The following MCTP2 variants were observed in gnomAD, a reference collection of about 807,000 sequenced individuals.
MCTP2 encodes the protein multiple C2 and transmembrane domain-containing protein 2.
A neutral mutation model predicts 111.6 loss-of-function variants in MCTP2; 132 were observed. That is an observed-to-expected ratio of 1.18 (90% CI 1.03 to 1.37). MCTP2 has a LOEUF of 1.37. MCTP2 is among the 40% of genes most tolerant of loss of function. The probability of loss-of-function intolerance (pLI) is 0.00; values close to 1 mark genes in which losing one functional copy is unlikely to be tolerated. For synonymous variants in MCTP2, 395 were observed against 387.7 expected, an observed-to-expected ratio of 1.02 and a Z score of -0.22; for missense variants, 1,183 against 1,067.9, an observed-to-expected ratio of 1.11 and a Z score of -1.50.
intron 1 of MCTP2, among the ~76,000 whole-genome samples, chr15:94,238,164 C>G (rs2070699897): frequency 6.6e-6 from 1 of 152,086 alleles, no homozygotes; most frequent in Non-Finnish European, 1.5e-5. Flanking sequence ...CGGAATAAAT[C>G]TCTTAAAATA....
intron 4 of MCTP2, among the ~76,000 whole-genome samples, chr15:94,320,363 G>A (rs1052792707): frequency 1.3e-5 from 2 of 152,070 alleles, no homozygotes; most frequent in East Asian, 1.9e-4. Flanking sequence ...GGATGGTCTC[G>A]ATCTCCTGAC....
chr15:94,391,943 C>T (rs1381795013), intron 14 of MCTP2, among the ~76,000 whole-genome samples: 3 of 152,114 alleles, frequency 2.0e-5, no homozygotes, highest in Admixed American at 6.5e-5. Context: ...AATCTAATTG[C>T]TGCTTCTTTG....
chr15:94,239,579 C>T (rs2070793529), intron 1 of MCTP2, among the ~76,000 whole-genome samples: 1 of 152,196 alleles, frequency 6.6e-6, no homozygotes, highest in Non-Finnish European at 1.5e-5. Flanking sequence ...TTATCTCCTA[C>T]TTTTTCTGAC....
chr15:94,470,653 A>G (rs1372418919), intron 21 of MCTP2, among the ~76,000 whole-genome samples: 1 of 152,226 alleles, frequency 6.6e-6, no homozygotes, highest in Non-Finnish European at 1.5e-5. Flanking sequence ...CCTCTTGCAT[A>G]ATTGCAATCA....
intron 1 of MCTP2, among the ~76,000 whole-genome samples, chr15:94,274,496 G>GA (rs1268562133): frequency 2.0e-5 from 3 of 151,818 alleles, no homozygotes; most frequent in Non-Finnish European, 4.4e-5. Context: ...GGATTGTTCA[G>GA]AAAAAAAGCA....
chr15:94,476,553 G>A (rs905203143), intron 21 of MCTP2, 143 bp from the exon 22 acceptor site: 10 of 531,904 alleles, frequency 1.9e-5, no homozygotes, highest in East Asian at 6.6e-5. Flanking sequence ...CCTCTCCCCC[G>A]AGTCAGGCGA....
At chr15:94,287,168 A>G (rs967302186) in intron 1 of MCTP2, among the ~76,000 whole-genome samples, 1 of 152,100 alleles carries the variant, frequency 6.6e-6, no homozygotes, top group African/African-American at 2.4e-5. Flanking sequence ...TCTGGAAAAT[A>G]CATTGTTCAT....
chr15:94,463,316 CTTT>C (rs557836204), intron 20 of MCTP2, among the ~76,000 whole-genome samples: 18 of 152,092 alleles, frequency 1.2e-4, no homozygotes, highest in African/African-American at 3.6e-4. Flanking sequence ...AGAAGTCTGA[CTTT>C]TTTTGTGTGA....
chr15:94,410,836 C>T (rs778344667), intron 17 of MCTP2, among the ~76,000 whole-genome samples: 4 of 152,208 alleles, frequency 2.6e-5, no homozygotes, highest in East Asian at 1.9e-4. Flanking sequence ...CGTACACCTC[C>T]GTTGATCATA....
chr15:94,399,714 A>C, intron 15 of MCTP2: 1 of 544,988 alleles, frequency 1.8e-6, no homozygotes, highest in Non-Finnish European at 3.3e-6. Context: ...ACCCTTCTAG[A>C]CTCAATCTGA....
At chr15:94,336,288 C>A (rs1206279920) in intron 4 of MCTP2, among the ~76,000 whole-genome samples, 1 of 152,186 alleles carries the variant, frequency 6.6e-6, no homozygotes, top group Non-Finnish European at 1.5e-5. Context: ...TTCTTTATTG[C>A]AGCCTCCACT....
rs530297935 is a variant in MCTP2 at position 94,465,148 on chromosome 15, T to G, written c.2361-5185T>G. On this transcript the variant is annotated intron_variant, in intron 20 of 22. Transcript: ENST00000357742. ...ATTATTTGGTTTGTAGATGTTAAAA[T>G]TATTATATTTTCTTGGTTGATTGGA... Among the ~76,000 whole-genome samples, 176 of 152,224 alleles carry G rather than the reference T, an allele frequency of 1.2e-3. 2 individuals are homozygous for G. The highest frequency in any genetic ancestry group is 4.1e-3 in the African/African-American group (169 of 41,584).
intron 8 of MCTP2, among the ~76,000 whole-genome samples, chr15:94,345,846 G>A (rs2077950444): frequency 6.6e-6 from 1 of 152,150 alleles, no homozygotes; most frequent in Non-Finnish European, 1.5e-5. Context: ...ATTATACTTT[G>A]TAAGGAGAAA....
intron 1 of MCTP2, among the ~76,000 whole-genome samples, chr15:94,257,685 C>T (rs1164131361): frequency 2.1e-5 from 3 of 143,804 alleles, no homozygotes; most frequent in East Asian, 4.3e-4. Context: ...CTCCTAGGTT[C>T]GAGCGATTCT....
intron 8 of MCTP2, among the ~76,000 whole-genome samples, chr15:94,352,134 T>A (rs2078338551): frequency 6.6e-6 from 1 of 152,212 alleles, no homozygotes; most frequent in Non-Finnish European, 1.5e-5. Flanking sequence ...GCAATGACAG[T>A]ACATTCCCTG....
At chr15:94,424,616 G>A (rs2082790259) in intron 17 of MCTP2, among the ~76,000 whole-genome samples, 1 of 152,106 alleles carries the variant, frequency 6.6e-6, no homozygotes, top group African/African-American at 2.4e-5. Context: ...TAGGTTTTGG[G>A]ATATACAGTT....
intron 21 of MCTP2, among the ~76,000 whole-genome samples, chr15:94,474,011 C>T (rs1244486451): frequency 6.6e-6 from 1 of 151,916 alleles, no homozygotes; most frequent in African/African-American, 2.4e-5. Context: ...CTGATCAATT[C>T]AATCTATGAT....
chr15:94,290,256 A>T (rs1259016748), intron 1 of MCTP2, among the ~76,000 whole-genome samples: 1 of 152,214 alleles, frequency 6.6e-6, no homozygotes, highest in Non-Finnish European at 1.5e-5. Flanking sequence ...TTTTTAAGCC[A>T]CTAATTTTTT....
intron 1 of MCTP2, among the ~76,000 whole-genome samples, chr15:94,273,292 G>T (rs1315349421): frequency 6.6e-6 from 1 of 152,164 alleles, no homozygotes; most frequent in Non-Finnish European, 1.5e-5. Flanking sequence ...CATGTGCTGG[G>T]CCACAAAGGG....
Sources: gnomAD v4.1 joint callset for allele counts (sites outside exome capture counted in the v4.1 genomes callset) on GRCh38, gnomAD v4.1.1 for gene constraint, MANE v1.5 for transcripts, NCBI Gene and HGNC (gene_info 2026-07-23, HGNC 2026-07-21) for gene names.